MCC: variants seen among roughly 807,000 people sequenced by gnomAD.
MCC encodes MCC regulator of Wnt signaling pathway, also known as colorectal mutant cancer protein.
Under a neutral mutation model 116.2 loss-of-function variants are expected in MCC, and 90 were observed. The observed-to-expected ratio is 0.77, with a 90% CI of 0.65 to 0.92. The LOEUF (loss-of-function observed/expected upper bound fraction) is 0.92, where lower values mean the gene tolerates loss of function less well. Ranked by LOEUF, MCC falls within the 40% of genes least tolerant of loss-of-function variation. MCC has a pLI of 0.00. For synonymous variants in MCC, 578 were observed against 510.5 expected (o/e 1.13, Z -1.78); for missense variants, 1,516 against 1,312.2 (o/e 1.16, Z -2.40).
At chr5:113,316,427 G>T (rs1370110599) in intron 3 of MCC, among the ~76,000 whole-genome samples, 1 of 152,010 alleles carries the variant, frequency 6.6e-6, no homozygotes, top group African/African-American at 2.4e-5. Context: ...AAGTTTGCAG[G>T]CCTCATCTGC....
chr5:113,103,949 T>C (rs1048589910), intron 7 of MCC, among the ~76,000 whole-genome samples: 2 of 152,180 alleles, frequency 1.3e-5, no homozygotes, highest in African/African-American at 2.4e-5. Flanking sequence ...TCCAAGTAAA[T>C]TGTCCTTTTT....
At chr5:113,437,839 A>C (rs902991010) in intron 1 of MCC, among the ~76,000 whole-genome samples, 1 of 152,186 alleles carries the variant, frequency 6.6e-6, no homozygotes, top group Non-Finnish European at 1.5e-5. Context: ...GCTCTTGGGT[A>C]GAGTGAATAG....
chr5:113,422,843 T>C lies in MCC; in HGVS notation c.171-37631A>G, dbSNP rs76777825. 5.4e-3 allele frequency among the ~76,000 whole-genome samples: 819 copies of C among 152,336 alleles called. 5 individuals carry two copies. The highest frequency in any genetic ancestry group is 0.017 in the Middle Eastern group (5 of 294). On this transcript the variant is annotated intron_variant, in intron 1 of 18. Coordinates refer to ENST00000408903, the MANE Select transcript of MCC (RefSeq NM_001085377.2). Reference sequence around the variant, plus strand: ...CTAGTTATACTTGGTAGATTTAATATACTTAGTTACTTTCCTTGTTCCCTT... The same window carrying C: ...CTAGTTATACTTGGTAGATTTAATACACTTAGTTACTTTCCTTGTTCCCTT...
intron 3 of MCC, among the ~76,000 whole-genome samples, chr5:113,224,486 T>G (rs1763663149): frequency 6.6e-6 from 1 of 152,202 alleles, no homozygotes; most frequent in African/African-American, 2.4e-5. Context: ...AAAACGCCTG[T>G]TTTCCTCACA....
intron 8 of MCC, among the ~76,000 whole-genome samples, chr5:113,096,757 C>T (rs6594680): frequency 0.46 from 69,245 of 151,954 alleles, 17,351 homozygotes; most frequent in African/African-American, 0.68. Context: ...CTAACCTGCA[C>T]TGAATATATG....
At chr5:113,167,520 T>C (rs181433971) in intron 3 of MCC, among the ~76,000 whole-genome samples, 22 of 152,298 alleles carry the variant, frequency 1.4e-4, no homozygotes, top group Admixed American at 1.4e-3. Flanking sequence ...GGAAAGAGAA[T>C]CACCACTTTA....
intron 4 of MCC, among the ~76,000 whole-genome samples, chr5:113,145,777 C>T (rs1364672786): frequency 7.5e-5 from 1 of 13,374 alleles, no homozygotes; most frequent in African/African-American, 2.0e-4. Context: ...CACACACACA[C>T]ACACACAAAC....
intron 1 of MCC, among the ~76,000 whole-genome samples, chr5:113,403,464 G>T (rs530935577): frequency 6.6e-6 from 1 of 152,298 alleles, no homozygotes; most frequent in South Asian, 2.1e-4. Context: ...CTGTGAACTA[G>T]GTGTTCTACG....
intron 1 of MCC, among the ~76,000 whole-genome samples, chr5:113,402,735 G>C (rs1433243815): frequency 1.3e-5 from 2 of 152,112 alleles, no homozygotes; most frequent in Non-Finnish European, 2.9e-5. Flanking sequence ...TCTGATTACA[G>C]AAAGGAGAAG....
At chr5:113,335,100 G>A (rs1448118405) in intron 3 of MCC, among the ~76,000 whole-genome samples, 1 of 151,678 alleles carries the variant, frequency 6.6e-6, no homozygotes, top group Non-Finnish European at 1.5e-5. Flanking sequence ...TGCTTTAACC[G>A]CAAAGCTAGC....
intron 17 of MCC, among the ~76,000 whole-genome samples, chr5:113,036,958 T>C (rs1751369826): frequency 6.6e-6 from 1 of 152,250 alleles, no homozygotes; most frequent in Admixed American, 6.5e-5. Context: ...TGCAGACCCA[T>C]GTGCTTTTAT....
intron 18 of MCC, 71 bp downstream of exon 18, chr5:113,028,863 C>G (rs1750757964): frequency 1.3e-6 from 2 of 1,544,682 alleles, no homozygotes; most frequent in Non-Finnish European, 1.8e-6. Flanking sequence ...GGTGCTGTGT[C>G]TACATGCAGG....
chr5:113,157,286 G>A (rs1466621781), intron 3 of MCC, among the ~76,000 whole-genome samples: 1 of 152,204 alleles, frequency 6.6e-6, no homozygotes, highest in Admixed American at 6.5e-5. Flanking sequence ...TGGCCTAAGG[G>A]CAAGCTATGC....
In MCC at chr5:113,433,978, C is replaced by G; in HGVS notation, c.171-48766G>C. On this transcript the variant is annotated intron_variant, in intron 1 of 18. Coordinates refer to ENST00000408903, the MANE Select transcript of MCC (RefSeq NM_001085377.2). ...GGTTCAGTTCCCCGGGAACTCTCCC[C>G]CTCCTTGTTGATGGCCACAGAGGGA... 1 of 1,614,010 alleles carries G rather than the reference C, an allele frequency of 6.2e-7. No homozygotes were observed.
intron 5 of MCC, among the ~76,000 whole-genome samples, chr5:113,125,435 A>T (rs1296943017): frequency 1.3e-5 from 2 of 152,174 alleles, no homozygotes; most frequent in East Asian, 1.9e-4. Flanking sequence ...GAGGTATAAA[A>T]ATGTTAAACT....
In MCC at chr5:113,040,361, G is replaced by A. The variant is rs374205951; in HGVS notation, c.2756+3169C>T. Among the ~76,000 whole-genome samples the A allele has an allele frequency of 1.2e-3, 178 of 152,186 alleles. 1 individual carries two copies. The highest frequency in any genetic ancestry group is 4.1e-3 in the African/African-American group (172 of 41,532). On this transcript the variant is annotated intron_variant, in intron 17 of 18. Transcript: ENST00000408903. ...CAGGGCACCTTCCCTGGGATGGCTG[G>A]TTCTCCTTAAGGACAGCCCATGGCT...
Position 113,394,939 on chromosome 5 carries a change from T to A in MCC, c.171-9727A>T, listed in dbSNP as rs558477014. On this transcript the variant is annotated intron_variant, in intron 1 of 18. Transcript: ENST00000408903. ...TATGTAATGTCTATGACTACTTTTT[T>A]GCTATAATAGCAGAGTTGAATCATT... 4.9e-4 allele frequency among the ~76,000 whole-genome samples: 74 copies of A among 152,358 alleles called. 1 individual carries two copies. The South Asian group carries it at 0.015, about 31-fold the overall frequency.
chr5:113,409,543 G>A (rs1245938074), intron 1 of MCC, among the ~76,000 whole-genome samples: 1 of 151,842 alleles, frequency 6.6e-6, no homozygotes, highest in Non-Finnish European at 1.5e-5. Flanking sequence ...GTAAAGATGG[G>A]GTCTCACTAT....
Position 113,101,820 on chromosome 5 carries a change from C to A in MCC, c.1317G>T (p.Leu439=), listed in dbSNP as rs772957085. ...REENESLTAM[L]CSKEEELNRT... ...GGTTCAGTTCTTCCTCTTTGCTGCA[C>A]AGCATGGCAGTCAGGCTCTCATTCT... The change falls in exon 8 of 19, where the codon CTG becomes CTT. Residue 439 remains leucine (L), a synonymous_variant. Transcript: ENST00000408903. 1.2e-6 allele frequency: 2 copies of A among 1,613,646 alleles called. No homozygotes were observed. Among genetic ancestry groups the A allele is most frequent in the Non-Finnish European group, 1.7e-6 (2 of 1,180,042 alleles).
Sources: allele counts gnomAD v4.1 joint callset (sites outside exome capture counted in the v4.1 genomes callset), GRCh38; gene constraint gnomAD v4.1.1; transcripts MANE v1.5; gene names NCBI Gene and HGNC (gene_info 2026-07-23, HGNC 2026-07-21).